The following CFAP47 variants were observed in gnomAD, a reference collection of about 807,000 sequenced individuals.
The protein encoded by CFAP47 is cilia and flagella associated protein 47, also known as cilia- and flagella-associated protein 47.
In CFAP47, 29 loss-of-function variants were observed where a neutral mutation model predicts 148.1. That is an observed-to-expected ratio of 0.20 (90% CI 0.15 to 0.27). The LOEUF (loss-of-function observed/expected upper bound fraction) is 0.27. CFAP47 is among the 10% of genes least tolerant of loss of function. The probability of loss-of-function intolerance (pLI) is 1.00; values close to 1 mark genes in which losing one functional copy is unlikely to be tolerated. For synonymous variants in CFAP47, 664 were observed against 577.3 expected (o/e 1.15, Z -2.15); for missense variants, 1,872 against 1,697.5 (o/e 1.10, Z -1.81).
intron 49 of CFAP47, among the ~76,000 whole-genome samples, chrX:36,274,430 G>GT (rs1940992157): frequency 9.0e-6 from 1 of 111,479 alleles, no homozygotes. Context: ...ATAAAATATG[G>GT]TAAGTTTAAA....
At chrX:35,962,925 TG>T (rs1218938514) in intron 8 of CFAP47, among the ~76,000 whole-genome samples, 1 of 90,534 alleles carries the variant, frequency 1.1e-5, no homozygotes, top group East Asian at 3.5e-4. Flanking sequence ...AAATAAAATG[TG>T]GTGTGTGTGT....
chrX:36,156,312 TTAA>T (rs1181351378), intron 37 of CFAP47, among the ~76,000 whole-genome samples: 2 of 111,234 alleles, frequency 1.8e-5, no homozygotes, highest in Non-Finnish European at 3.8e-5. Context: ...TAGATCACAG[TTAA>T]TAATGTCTCT....
intron 51 of CFAP47, among the ~76,000 whole-genome samples, chrX:36,286,871 T>C (rs1245778732): frequency 9.0e-6 from 1 of 111,373 alleles, no homozygotes; most frequent in Non-Finnish European, 1.9e-5. Flanking sequence ...TAAATACAAT[T>C]TTAAAATAAA....
At chrX:35,969,451 A>C (rs2146663125) in intron 10 of CFAP47, among the ~76,000 whole-genome samples, 1 of 111,682 alleles carries the variant, frequency 9.0e-6, no homozygotes, top group African/African-American at 3.2e-5. Context: ...ATGAGGAAAA[A>C]TATTTTATTT....
Position 36,159,508 on chromosome X carries a change from A to G in CFAP47, c.5869A>G (p.Lys1957Glu). 3.4e-6 allele frequency: 1 copy of G among 298,018 alleles called. No homozygotes were observed. Among genetic ancestry groups the G allele is most frequent in the Non-Finnish European group, 5.9e-6 (1 of 170,294 alleles). The allele number at this position is 298,018 out of a possible 1,213,427, so 24.6% of individuals were successfully genotyped here. Residue 1957 changes from lysine (K) to glutamate (E), a missense_variant, in exon 38 of 64, where the codon AAG becomes GAG. Lys to Glu is a moderately conservative substitution (Grantham distance 56, BLOSUM62 1). Transcript: ENST00000378653. The stretch of plus-strand genomic sequence containing the variant: ...TTCACTACTATTAATTTCAAAACCC[A>G]AGAATGCAGTAAGAGGAATTACAAT... ...EASLLLISKP[K>E]NAVRGITMTF... is the part of the protein sequence containing the mutation.
At chrX:36,028,826 G>A (rs1937250389) in intron 22 of CFAP47, among the ~76,000 whole-genome samples, 1 of 110,445 alleles carries the variant, frequency 9.1e-6, no homozygotes, top group South Asian at 3.7e-4. Flanking sequence ...CAGTTTGGGT[G>A]CCTTTTATTT....
In CFAP47 at chrX:36,301,055, G is replaced by A. The variant is rs1243159013; in HGVS notation, c.7863-17G>A. On this transcript the variant is annotated splice_polypyrimidine_tract_variant and intron_variant, in intron 52 of 63. Transcript: ENST00000378653. Reference sequence around the variant, plus strand: ...ACTAAAACTGCTGACAAAATTTTGTGTATTTCTCTCCACCAGCATTATTTT... The same window carrying A: ...ACTAAAACTGCTGACAAAATTTTGTATATTTCTCTCCACCAGCATTATTTT... 5 of 1,045,632 alleles carry A rather than the reference G, an allele frequency of 4.8e-6. No homozygotes were observed. The African/African-American group carries it at 5.6e-5, about 12-fold the overall frequency. 86.2% of individuals were successfully genotyped at this position (1,045,632 alleles called of 1,213,427 possible).
chrX:36,280,725 A>G (rs10522038), intron 50 of CFAP47, 95 bp downstream of exon 50: 7,854 of 345,065 alleles, frequency 0.023, 77 homozygotes, highest in South Asian at 0.051. Context: ...CGCATAATAC[A>G]TATCCAAATT....
intron 30 of CFAP47, among the ~76,000 whole-genome samples, chrX:36,097,796 T>G (rs1196183731): frequency 1.8e-5 from 2 of 111,556 alleles, no homozygotes; most frequent in Non-Finnish European, 3.8e-5. Flanking sequence ...TGCTTGGTGT[T>G]CTAACATTCA....
chrX:36,226,337 A>G (rs1555991535), intron 45 of CFAP47, among the ~76,000 whole-genome samples: 1 of 111,876 alleles, frequency 8.9e-6, no homozygotes, highest in African/African-American at 3.2e-5. Flanking sequence ...TTATTATATG[A>G]TGGCACAATG....
chrX:36,177,617 T>C lies in CFAP47; in HGVS notation c.6027-1728T>C, dbSNP rs778342234. ...TTCACAAAGTTCACAGTTTACATTT[T>C]ACTATAGTTAATTTTGTCTGTTTAA... On this transcript the variant is annotated intron_variant, in intron 39 of 63. Coordinates refer to ENST00000378653, the MANE Select transcript of CFAP47 (RefSeq NM_001304548.2). Among the ~76,000 whole-genome samples, 26 of 112,345 alleles carry C rather than the reference T, an allele frequency of 2.3e-4. No individual in the cohort carries two copies. The South Asian group carries it at 9.5e-3, about 41-fold the overall frequency.
chrX:36,297,795 G>A (rs139820019), intron 51 of CFAP47, among the ~76,000 whole-genome samples: 74 of 112,111 alleles, frequency 6.6e-4, no homozygotes, highest in African/African-American at 2.3e-3. Flanking sequence ...GCTAAGATAC[G>A]TTGCTACTTT....
intron 26 of CFAP47, among the ~76,000 whole-genome samples, chrX:36,063,500 A>G (rs980553302): frequency 2.7e-5 from 3 of 111,718 alleles, no homozygotes; most frequent in Non-Finnish European, 5.6e-5. Context: ...GCTATTTTTT[A>G]CCATGAGGAA....
chrX:35,921,845 A>G (rs1312323744), intron 1 of CFAP47, among the ~76,000 whole-genome samples: 1 of 111,184 alleles, frequency 9.0e-6, no homozygotes, highest in Non-Finnish European at 1.9e-5. Context: ...CATCATCACT[A>G]TTATAATCAC....
At position 35,991,852 on chromosome X, in the gene CFAP47, C is replaced by T; in HGVS notation, c.2876C>T (p.Pro959Leu). 3.4e-6 allele frequency: 1 copy of T among 296,151 alleles called. No individual in the cohort carries two copies. Among genetic ancestry groups the T allele is most frequent in the Non-Finnish European group, 5.9e-6 (1 of 169,271 alleles). 24.4% of individuals were successfully genotyped at this position (296,151 alleles called of 1,213,427 possible). A position where few individuals can be genotyped will look rare whatever the true frequency, so the allele number is the denominator to read the frequency against. ...CGCACCAAGGTTTTACTTTTGCAGC[C>T]AAGGATACTCTTTAGTAATTGCCCT... ...LGRTKVLLLQ[P>L]RILFSNCPQG... The change falls in exon 17 of 64, where the codon CCA (proline) becomes CTA (leucine). Residue 959 changes from proline (P) to leucine (L), a missense_variant. Physicochemically the swap from Pro to Leu is moderately conservative, Grantham distance 98. Transcript: ENST00000378653.
In CFAP47 at chrX:35,976,284, T is replaced by G. The variant is rs147948641; in HGVS notation, c.2713+371T>G. Among the ~76,000 whole-genome samples, 646 of 111,141 alleles carry G rather than the reference T, an allele frequency of 5.8e-3. 9 individuals carry two copies. Among genetic ancestry groups the G allele is most frequent in the African/African-American group, 0.02 (626 of 30,552 alleles). ...CAGGGAAGAGTTGATGGTGGAGTCT[T>G]GAGTCCAAAGGCATTCTGGAGGCAG... On this transcript the variant is annotated intron_variant, in intron 15 of 63. Coordinates refer to ENST00000378653, the MANE Select transcript of CFAP47 (RefSeq NM_001304548.2).
At chrX:36,078,242 A>C (rs1427819529) in intron 29 of CFAP47, among the ~76,000 whole-genome samples, 1 of 110,544 alleles carries the variant, frequency 9.0e-6, no homozygotes, top group East Asian at 2.9e-4. Context: ...AGCTGAGTTC[A>C]AGTCCTGGAT....
At chrX:36,226,766 T>A (rs1555991601) in intron 45 of CFAP47, among the ~76,000 whole-genome samples, 1 of 111,226 alleles carries the variant, frequency 9.0e-6, no homozygotes, top group Admixed American at 9.7e-5. Flanking sequence ...AATGAACATT[T>A]TTTTTGGAAA....
chrX:36,167,473 C>T (rs775135148), intron 39 of CFAP47, among the ~76,000 whole-genome samples: 15 of 111,438 alleles, frequency 1.3e-4, no homozygotes, highest in Non-Finnish European at 1.7e-4. Context: ...TACCACCTTA[C>T]GAACTGGGCA....
Sources: allele counts gnomAD v4.1 joint callset (sites outside exome capture counted in the v4.1 genomes callset), GRCh38; gene constraint gnomAD v4.1.1; transcripts MANE v1.5; gene names NCBI Gene and HGNC (gene_info 2026-07-23, HGNC 2026-07-21).